POLD1: variants seen among roughly 807,000 people sequenced by gnomAD.
The protein encoded by POLD1 is DNA polymerase delta 1, catalytic subunit.
In POLD1, 79 loss-of-function variants were observed where a neutral mutation model predicts 129.7. The observed-to-expected ratio is 0.61, with a 90% CI of 0.51 to 0.73. The LOEUF (loss-of-function observed/expected upper bound fraction) is 0.73. Ranked by LOEUF, POLD1 falls within the 30% of genes least tolerant of loss-of-function variation. The pLI is 0.00. For synonymous variants in POLD1, 714 were observed against 683.3 expected, an observed-to-expected ratio of 1.04 and a Z score of -0.70; for missense variants, 1,338 against 1,595.8, an observed-to-expected ratio of 0.84 and a Z score of 2.75.
intron 17 of POLD1, among the ~76,000 whole-genome samples, chr19:50,412,554 A>G (rs1282274892): frequency 1.3e-5 from 2 of 152,206 alleles, no homozygotes; most frequent in East Asian, 1.9e-4. Context: ...AAAGCTAGAC[A>G]GTAAAGTGGT....
chr19:50,403,573 C>G lies in POLD1; in HGVS notation c.1218C>G (p.Leu406=). Residue 406 remains leucine, a synonymous_variant, in exon 10 of 27, where the codon CTC becomes CTG. Transcript: ENST00000440232. ...TCCAGAACTTCGACCTTCCGTACCTCATCTCTCGGGCCCAGACCCTCAAGG... is the reference window on the plus strand; with the variant it reads ...TCCAGAACTTCGACCTTCCGTACCTGATCTCTCGGGCCCAGACCCTCAAGG... ...YNIQNFDLPY[L]ISRAQTLKVQ... is the part of the protein sequence containing the mutation. 6.2e-7 allele frequency: 1 copy of G among 1,613,226 alleles called. No homozygotes were observed. Among genetic ancestry groups the G allele is most frequent in the Non-Finnish European group, 8.5e-7 (1 of 1,179,158 alleles).
chr19:50,413,353 C>T, intron 17 of POLD1, 73 bp from the exon 18 acceptor site: 1 of 1,256,140 alleles, frequency 8.0e-7, no homozygotes, highest in South Asian at 1.3e-5. Context: ...GAGGCGGGAC[C>T]CCTCCCCCGC....
In POLD1 at chr19:50,417,277, C is replaced by T. The variant is rs1060504343; in HGVS notation, c.3218+8C>T. ...GGACGTCATCTGCACCAGGTGTGTG[C>T]CATGTCCCGACCCTGGGCTGCCCCG... On this transcript the variant is annotated splice_region_variant and intron_variant, in intron 26 of 26. Transcript: ENST00000440232. 7.6e-6 allele frequency: 12 copies of T among 1,571,518 alleles called. No homozygotes were observed. Among genetic ancestry groups the T allele is most frequent in the Middle Eastern group, 3.4e-4 (2 of 5,906 alleles).
chr19:50,415,189 C>G (rs1197656113), intron 20 of POLD1, among the ~76,000 whole-genome samples, 199 bp downstream of exon 20: 5 of 152,196 alleles, frequency 3.3e-5, no homozygotes. Context: ...CCCAGCCCCT[C>G]CTCCTCTGGG....
intron 9 of POLD1, 46 bp from the exon 10 acceptor site, chr19:50,403,447 G>A (rs745325048): frequency 1.6e-5 from 23 of 1,422,352 alleles, no homozygotes; most frequent in East Asian, 1.6e-4. Flanking sequence ...AGGGGAATCC[G>A]AGGCAGGGCA....
chr19:50,414,335 C>G (rs1282722531), intron 19 of POLD1, among the ~76,000 whole-genome samples: 1 of 152,260 alleles, frequency 6.6e-6, no homozygotes, highest in East Asian at 1.9e-4. Context: ...TCACTGCAGC[C>G]TCCAACTCCT....
chr19:50,402,007 C>T lies in POLD1; in HGVS notation c.472C>T (p.Pro158Ser), dbSNP rs995091173. The T allele has an allele frequency of 1.2e-6, 2 of 1,614,000 alleles. No individual in the cohort carries two copies. The highest frequency in any genetic ancestry group is 2.7e-5 in the African/African-American group (2 of 74,932). ...CATCCCTCCCACACCAGGTTTCGGG[C>T]CCGAGCACATGGGTGACCTGCAACG... ...FYTPAPPGFG[P>S]EHMGDLQREL... The change falls in exon 5 of 27, where the codon CCC (proline) becomes TCC (serine). Residue 158 changes from proline (P) to serine (S), a missense_variant. By Grantham distance (74) the Pro-to-Ser change is moderately conservative (BLOSUM62 -1). Transcript: ENST00000440232.
At chr19:50,400,472 T>C (rs1014083816) in intron 3 of POLD1, among the ~76,000 whole-genome samples, 7 of 150,454 alleles carry the variant, frequency 4.7e-5, no homozygotes, top group African/African-American at 1.7e-4. Flanking sequence ...CTGCCGACCT[T>C]GGCCTCCCAA....
intron 3 of POLD1, among the ~76,000 whole-genome samples, chr19:50,401,387 ATATATTTT>A (rs1462109476): frequency 1.5e-4 from 9 of 59,160 alleles, no homozygotes; most frequent in East Asian, 1.3e-3. Flanking sequence ...ATATATATAT[ATATATTTT>A]TTTTTTTTTT....
chr19:50,390,491 G>C (rs1012945390), intron 1 of POLD1, among the ~76,000 whole-genome samples: 33 of 152,204 alleles, frequency 2.2e-4, no homozygotes, highest in African/African-American at 7.9e-4. Context: ...GACTGGAACA[G>C]AGCCTGGGCT....
At chr19:50,408,972 G>C (rs908241866) in intron 15 of POLD1, 71 bp downstream of exon 15, 2 of 1,471,092 alleles carry the variant, frequency 1.4e-6, no homozygotes, top group African/African-American at 1.4e-5. Flanking sequence ...TCAGTCTGGT[G>C]GGGGGCATAG....
At position 50,398,901 on chromosome 19, in the gene POLD1, G is replaced by A. The variant is rs373637566; in HGVS notation, c.50G>A (p.Arg17Gln). ...PGPGPGVPPK[R>Q]ARGGLWDDDD... ...CCAGGGCCCGGGGTGCCCCCAAAGCGGGCCCGTGGGGGCCTCTGGGATGAT... is the reference window on the plus strand; with the variant it reads ...CCAGGGCCCGGGGTGCCCCCAAAGCAGGCCCGTGGGGGCCTCTGGGATGAT... Residue 17 changes from arginine to glutamine, a missense_variant, in exon 2 of 27, where the codon CGG becomes CAG. By Grantham distance (43) the Arg-to-Gln change is conservative. Transcript: ENST00000440232. 24 of 1,600,310 alleles carry A rather than the reference G, an allele frequency of 1.5e-5. No homozygotes were observed. Among genetic ancestry groups the A allele is most frequent in the East Asian group, 9.0e-5 (4 of 44,514 alleles).
chr19:50,398,958 A>G lies in POLD1; in HGVS notation c.107A>G (p.Glu36Gly). Reference protein sequence around the residue: ...DDAPRPSQFEEDLALMEEMEA... With the variant: ...DDAPRPSQFEGDLALMEEMEA... ...GCACCTCGGCCATCCCAATTCGAGG[A>G]GGACCTGGCACTGATGGAGGAGATG... Residue 36 changes from glutamate (E) to glycine (G), a missense_variant, in exon 2 of 27, where the codon GAG (glutamate) becomes GGG (glycine). By Grantham distance (98) the Glu-to-Gly change is moderately conservative (BLOSUM62 -2). Coordinates refer to ENST00000440232, the MANE Select transcript of POLD1 (RefSeq NM_002691.4). 6.3e-7 allele frequency: 1 copy of G among 1,583,718 alleles called. No individual in the cohort carries two copies. Among genetic ancestry groups the G allele is most frequent in the African/African-American group, 1.3e-5 (1 of 74,714 alleles).
At chr19:50,417,397 T>G in intron 26 of POLD1, 128 bp downstream of exon 26, 1 of 631,050 alleles carries the variant, frequency 1.6e-6, no homozygotes, top group Non-Finnish European at 2.8e-6. Flanking sequence ...CTTCCAGCTG[T>G]GAGCTGTCCT....
chr19:50,413,372 G>A (rs111644307), intron 17 of POLD1, 54 bp from the exon 18 acceptor site: 24 of 1,497,212 alleles, frequency 1.6e-5, no homozygotes, highest in Middle Eastern at 3.4e-4. Flanking sequence ...GCCGGCCCAC[G>A]TTCACTGCAC....
chr19:50,394,327 G>C (rs1278081243), intron 1 of POLD1, among the ~76,000 whole-genome samples: 1 of 152,158 alleles, frequency 6.6e-6, no homozygotes, highest in Admixed American at 6.6e-5. Context: ...CTCCGGACAC[G>C]CAGGGTTGGA....
At chr19:50,410,390 TG>T (rs2039049117) in intron 17 of POLD1, among the ~76,000 whole-genome samples, 1 of 152,070 alleles carries the variant, frequency 6.6e-6, no homozygotes, top group South Asian at 2.1e-4. Context: ...CCTCTCTGGC[TG>T]GGCACTGCGC....
chr19:50,410,319 G>T (rs551570843), intron 17 of POLD1, among the ~76,000 whole-genome samples: 1 of 152,134 alleles, frequency 6.6e-6, no homozygotes, highest in African/African-American at 2.4e-5. Context: ...CTTGAGTCTT[G>T]GCCCATTCCA....
Position 50,390,551 on chromosome 19 carries a change from C to G in POLD1, c.-2+6161C>G, listed in dbSNP as rs3219315. 3.7e-4 allele frequency among the ~76,000 whole-genome samples: 55 copies of G among 149,598 alleles called. 2 individuals carry two copies. In the South Asian group the frequency reaches 0.012, roughly 31 times the overall value. ...CAGGATATTGCATTCCTAGCACATTCTACAGTTATTCTTGAGAACTATTTT... is the reference window on the plus strand; with the variant it reads ...CAGGATATTGCATTCCTAGCACATTGTACAGTTATTCTTGAGAACTATTTT... On this transcript the variant is annotated intron_variant, in intron 1 of 26. Coordinates refer to ENST00000440232, the MANE Select transcript of POLD1 (RefSeq NM_002691.4).
Sources: gnomAD v4.1 joint callset for allele counts (sites outside exome capture counted in the v4.1 genomes callset) on GRCh38, gnomAD v4.1.1 for gene constraint, MANE v1.5 for transcripts, NCBI Gene and HGNC (gene_info 2026-07-23, HGNC 2026-07-21) for gene names.